Variants in UTP6 observed in about 807,000 individuals in gnomAD.
UTP6 encodes UTP6 small subunit processome component, also known as U3 small nucleolar RNA-associated protein 6 homolog.
Under a neutral mutation model 96.5 loss-of-function variants are expected in UTP6, and 60 were observed. The ratio of observed to expected loss-of-function variants is 0.62; its 90% confidence interval spans 0.51 to 0.77. UTP6 has a LOEUF of 0.77. Ranked by LOEUF, UTP6 falls within the 30% of genes least tolerant of loss-of-function variation. The pLI is 0.00. For synonymous variants in UTP6, 215 were observed against 240.1 expected (o/e 0.90, Z 0.96); for missense variants, 637 against 706.5 (o/e 0.90, Z 1.12).
chr17:31,875,161 A>G, intron 14 of UTP6, 73 bp downstream of exon 14: 1 of 1,563,164 alleles, frequency 6.4e-7, no homozygotes, highest in East Asian at 2.2e-5. Context: ...AGACAAGTAC[A>G]TTCCAAATGA....
intron 7 of UTP6, chr17:31,887,644 A>G: frequency 4.8e-5 from 8 of 167,710 alleles, no homozygotes; most frequent in South Asian, 3.4e-4. Context: ...GAGCCACCAC[A>G]CCCAGGCTTA....
At chr17:31,866,080 G>A (rs560260628) in intron 17 of UTP6, among the ~76,000 whole-genome samples, 2 of 151,522 alleles carry the variant, frequency 1.3e-5, no homozygotes, top group East Asian at 3.9e-4. Flanking sequence ...ACGGTCAGGA[G>A]ATCGAGACCA....
Position 31,863,532 on chromosome 17 carries a change from C to A in UTP6, c.1637-16G>T. ...ATCCAAAGATCTTTTAAAAAAAAAA[C>A]ATACAATTAGATAACTGACAGAGTG... On this transcript the variant is annotated splice_polypyrimidine_tract_variant and intron_variant, in intron 18 of 18. Coordinates refer to ENST00000261708, the MANE Select transcript of UTP6 (RefSeq NM_018428.3). The A allele has an allele frequency of 1.3e-6, 2 of 1,569,020 alleles. No individual in the cohort carries two copies. The highest frequency in any genetic ancestry group is 1.2e-5 in the South Asian group (1 of 85,632).
chr17:31,893,430 C>CCACCAA (rs1904447107), intron 4 of UTP6, among the ~76,000 whole-genome samples: 1 of 50,604 alleles, frequency 2.0e-5, no homozygotes. Context: ...GACTCCACCT[C>CCACCAA]AAAAAAAAAA....
intron 14 of UTP6, 176 bp from the exon 15 acceptor site, chr17:31,873,929 T>A: frequency 3.2e-6 from 2 of 619,268 alleles, no homozygotes; most frequent in Non-Finnish European, 5.2e-6. Flanking sequence ...AATCAACATG[T>A]AAAATAGGGA....
chr17:31,875,599 C>T (rs1452297357), intron 13 of UTP6, among the ~76,000 whole-genome samples, 186 bp from the exon 14 acceptor site: 1 of 152,020 alleles, frequency 6.6e-6, no homozygotes, highest in Non-Finnish European at 1.5e-5. Flanking sequence ...CCCAGGCGGG[C>T]ACATCACGAG....
At chr17:31,885,728 T>C (rs1598110207) in intron 9 of UTP6, among the ~76,000 whole-genome samples, 1 of 151,848 alleles carries the variant, frequency 6.6e-6, no homozygotes, top group African/African-American at 2.4e-5. Context: ...GCAGAGGTTG[T>C]GGTGAGCCGA....
At chr17:31,889,207 A>G (rs889045320) in intron 7 of UTP6, 78 bp downstream of exon 7, 177 of 1,121,280 alleles carry the variant, frequency 1.6e-4, no homozygotes, top group Middle Eastern at 2.8e-4. Context: ...GAATTGCTTG[A>G]ATCCAGGAAA....
At chr17:31,877,911 G>T (rs1910588436) in intron 13 of UTP6, among the ~76,000 whole-genome samples, 1 of 150,286 alleles carries the variant, frequency 6.7e-6, no homozygotes, top group Admixed American at 6.7e-5. Flanking sequence ...AGGATGCAGT[G>T]AGCTGAGATC....
chr17:31,900,028 C>G (rs1326622773), intron 1 of UTP6, among the ~76,000 whole-genome samples: 1 of 151,812 alleles, frequency 6.6e-6, no homozygotes, highest in East Asian at 1.9e-4. Context: ...CCTGTAGTCC[C>G]AGCTACTCGG....
At chr17:31,887,961 C>CAAAAAAA (rs34260710) in intron 7 of UTP6, 8 of 63,338 alleles carry the variant, frequency 1.3e-4, no homozygotes, top group Admixed American at 4.2e-4. Flanking sequence ...GACTCCATCT[C>CAAAAAAA]AAAAAAAAAA....
At chr17:31,898,369 TAC>T (rs1345926141) in intron 2 of UTP6, among the ~76,000 whole-genome samples, 1 of 151,976 alleles carries the variant, frequency 6.6e-6, no homozygotes, top group Non-Finnish European at 1.5e-5. Flanking sequence ...ACGCTGTCTC[TAC>T]AAAAATTAGC....
intron 9 of UTP6, among the ~76,000 whole-genome samples, chr17:31,885,191 C>T (rs374977033): frequency 1.3e-5 from 2 of 152,022 alleles, no homozygotes; most frequent in Non-Finnish European, 2.9e-5. Flanking sequence ...GATGAAGTCT[C>T]GCTCTGTTGC....
chr17:31,880,354 G>C (rs1910749370), intron 11 of UTP6: 1 of 495,828 alleles, frequency 2.0e-6, no homozygotes, highest in Non-Finnish European at 3.6e-6. Flanking sequence ...CCGGGAGGTG[G>C]AGGTTGCAGT....
At chr17:31,887,342 T>C (rs1485581499) in intron 7 of UTP6, 29 bp from the exon 8 acceptor site, 11 of 1,605,182 alleles carry the variant, frequency 6.9e-6, no homozygotes, top group African/African-American at 1.3e-5. Context: ...CTGAAAATCT[T>C]TGGAGATGCT....
At chr17:31,875,908 G>A (rs933534807) in intron 13 of UTP6, among the ~76,000 whole-genome samples, 7 of 151,782 alleles carry the variant, frequency 4.6e-5, no homozygotes, top group East Asian at 1.9e-4. Context: ...AAACAGGCAC[G>A]AAGTGAACAA....
At chr17:31,892,631 G>T in intron 5 of UTP6, 116 bp downstream of exon 5, 3 of 1,212,866 alleles carry the variant, frequency 2.5e-6, no homozygotes, top group Non-Finnish European at 3.5e-6. Flanking sequence ...CCGCCTTCTT[G>T]GGTTCTTTTT....
intron 1 of UTP6, among the ~76,000 whole-genome samples, chr17:31,900,413 T>TCCTG (rs1472551108): frequency 1.3e-4 from 19 of 151,984 alleles, no homozygotes; most frequent in East Asian, 5.9e-4. Flanking sequence ...TGCCTCAGAC[T>TCCTG]CCCGAGTAGC....
intron 17 of UTP6, 38 bp downstream of exon 17, chr17:31,868,008 A>G: frequency 6.2e-7 from 1 of 1,600,618 alleles, no homozygotes; most frequent in South Asian, 1.1e-5. Flanking sequence ...CCACTAATCC[A>G]TTTTCCCAGA....
Sources: gnomAD v4.1 joint callset for allele counts (sites outside exome capture counted in the v4.1 genomes callset) on GRCh38, gnomAD v4.1.1 for gene constraint, MANE v1.5 for transcripts, NCBI Gene and HGNC (gene_info 2026-07-23, HGNC 2026-07-21) for gene names.